SMNDC1: variants seen among roughly 807,000 people sequenced by gnomAD.
SMNDC1 encodes survival motor neuron domain containing 1, also known as survival of motor neuron-related-splicing factor 30.
Under a neutral mutation model 29.2 loss-of-function variants are expected in SMNDC1, and 5 were observed. That is an observed-to-expected ratio of 0.17 (90% CI 0.09 to 0.36). The LOEUF is 0.36. Ranked by LOEUF, SMNDC1 falls within the 10% of genes least tolerant of loss-of-function variation. The probability of loss-of-function intolerance (pLI) is 1.00; values close to 1 mark genes in which losing one functional copy is unlikely to be tolerated. For synonymous variants in SMNDC1, 80 were observed against 89.9 expected (o/e 0.89, Z 0.62); for missense variants, 142 against 268.5 (o/e 0.53, Z 3.29).
intron 3 of SMNDC1, 62 bp from the exon 4 acceptor site, chr10:110,297,790 T>C: frequency 7.3e-7 from 1 of 1,372,982 alleles, no homozygotes; most frequent in Non-Finnish European, 9.9e-7. Context: ...CTACAAGACT[T>C]ATACTGTAGT....
intron 3 of SMNDC1, 119 bp from the exon 4 acceptor site, chr10:110,297,847 G>T: frequency 1.1e-6 from 1 of 876,906 alleles, no homozygotes; most frequent in Non-Finnish European, 1.7e-6. Flanking sequence ...ATAATCAAAT[G>T]GTTGTTTCAG....
chr10:110,302,701 C>T (rs1264996647), intron 2 of SMNDC1, among the ~76,000 whole-genome samples: 1 of 152,076 alleles, frequency 6.6e-6, no homozygotes, highest in Non-Finnish European at 1.5e-5. Flanking sequence ...TCTTAAAAGT[C>T]ATATATATTT....
chr10:110,293,411 G>T lies in SMNDC1; in HGVS notation c.*739C>A, dbSNP rs1857521833. On this transcript the variant is annotated 3_prime_UTR_variant, in exon 6 of 6. Transcript: ENST00000369603. ...ATACAGGGCTATACATCAGCTTTTT[G>T]TTCTCCCATATAAACATCACACATC... 6.6e-6 allele frequency: 1 copy of T among 152,512 alleles called. No individual in the cohort carries two copies. Among genetic ancestry groups the T allele is most frequent in the Non-Finnish European group, 1.5e-5 (1 of 68,004 alleles). 9.4% of individuals were successfully genotyped at this position (152,512 alleles called of 1,614,324 possible).
At chr10:110,294,973 A>C (rs1490725103) in intron 5 of SMNDC1, among the ~76,000 whole-genome samples, 1 of 152,222 alleles carries the variant, frequency 6.6e-6, no homozygotes, top group Non-Finnish European at 1.5e-5. Flanking sequence ...TATTTTTTCA[A>C]ATATTAGTTT....
At chr10:110,298,113 C>T (rs1252354577) in intron 3 of SMNDC1, among the ~76,000 whole-genome samples, 2 of 152,096 alleles carry the variant, frequency 1.3e-5, no homozygotes, top group African/African-American at 4.8e-5. Context: ...CTCAGTCTCC[C>T]AAGTAGCTGG....
At position 110,295,451 on chromosome 10, in the gene SMNDC1, G is replaced by T; in HGVS notation, c.426-70C>A. The T allele has an allele frequency of 3.1e-6, 4 of 1,273,500 alleles. No individual in the cohort carries two copies. The South Asian group carries it at 6.1e-5, about 19-fold the overall frequency. 78.9% of individuals were successfully genotyped at this position (1,273,500 alleles called of 1,614,324 possible). A position where few individuals can be genotyped will look rare whatever the true frequency, so the allele number is the denominator to read the frequency against. ...CAAGAATGACTTCCTTGAAGACACC[G>T]GCAGTGCAAAAAAAAAATCTAATAA... On this transcript the variant is annotated intron_variant, in intron 4 of 5. Coordinates refer to ENST00000369603, the MANE Select transcript of SMNDC1 (RefSeq NM_005871.4).
At chr10:110,297,048 T>C (rs1857572747) in intron 4 of SMNDC1, among the ~76,000 whole-genome samples, 1 of 152,224 alleles carries the variant, frequency 6.6e-6, no homozygotes, top group Admixed American at 6.5e-5. Flanking sequence ...ATCAACATCA[T>C]ACCGCCTTGT....
chr10:110,303,200 T>C (rs1278483284), intron 2 of SMNDC1, among the ~76,000 whole-genome samples: 6 of 152,242 alleles, frequency 3.9e-5, no homozygotes, highest in Non-Finnish European at 1.5e-5. Flanking sequence ...CTTGAAAATC[T>C]GACAGACTTG....
intron 4 of SMNDC1, among the ~76,000 whole-genome samples, chr10:110,296,392 T>A (rs1490633117): frequency 6.6e-6 from 1 of 152,184 alleles, no homozygotes; most frequent in African/African-American, 2.4e-5. Context: ...CATTAAAAAA[T>A]ATATATATAC....
In SMNDC1 at chr10:110,291,737, T is replaced by G. The variant is rs1857502094; in HGVS notation, c.*2413A>C. On this transcript the variant is annotated 3_prime_UTR_variant, in exon 6 of 6. Coordinates refer to ENST00000369603, the MANE Select transcript of SMNDC1 (RefSeq NM_005871.4). Reference sequence around the variant, plus strand: ...AACACTAGTCTGGCTCTAGAGTCCTTGCTGTTTTCCAGTATGCTCTGTGGC... The same window carrying G: ...AACACTAGTCTGGCTCTAGAGTCCTGGCTGTTTTCCAGTATGCTCTGTGGC... 1 of 152,220 alleles carries G rather than the reference T, an allele frequency of 6.6e-6. No individual in the cohort carries two copies. Among genetic ancestry groups the G allele is most frequent in the Non-Finnish European group, 1.5e-5 (1 of 68,034 alleles). 9.4% of individuals were successfully genotyped at this position (152,220 alleles called of 1,614,324 possible). A position where few individuals can be genotyped will look rare whatever the true frequency, so the allele number is the denominator to read the frequency against.
chr10:110,296,411 A>C (rs1857563474), intron 4 of SMNDC1, among the ~76,000 whole-genome samples: 1 of 152,236 alleles, frequency 6.6e-6, no homozygotes, highest in Admixed American at 6.5e-5. Flanking sequence ...ACATTGTTCT[A>C]GAATTTTATT....
Position 110,294,295 on chromosome 10 carries a change from A to G in SMNDC1, c.580-8T>C, listed in dbSNP as rs753142678. 1 of 1,568,124 alleles carries G rather than the reference A, an allele frequency of 6.4e-7. No individual in the cohort carries two copies. The highest frequency in any genetic ancestry group is 2.1e-5 in the Admixed American group (1 of 46,988). Reference sequence around the variant, plus strand: ...AAAAATACTCCTCTTTACCTAAGGGAAAGAAAACAGAAATCATTCCTGATT... The same window carrying G: ...AAAAATACTCCTCTTTACCTAAGGGGAAGAAAACAGAAATCATTCCTGATT... On this transcript the variant is annotated splice_region_variant and splice_polypyrimidine_tract_variant and intron_variant, in intron 5 of 5. Transcript: ENST00000369603.
intron 1 of SMNDC1, chr10:110,304,349 G>A (rs1366175387): frequency 6.6e-6 from 1 of 152,296 alleles, no homozygotes; most frequent in Non-Finnish European, 1.5e-5. Flanking sequence ...GGCCCCCTAA[G>A]AGTTACAGCG....
chr10:110,291,454 A>G lies in SMNDC1; in HGVS notation c.*2696T>C, dbSNP rs908987624. 2 of 152,246 alleles carry G rather than the reference A, an allele frequency of 1.3e-5. No homozygotes were observed. Among genetic ancestry groups the G allele is most frequent in the African/African-American group, 2.4e-5 (1 of 41,462 alleles). 9.4% of individuals were successfully genotyped at this position (152,246 alleles called of 1,614,324 possible). ...AATTGGATGCCTCAAATCATAAACA[A>G]TGGGTATTGTTATCCATTGTAATGT... On this transcript the variant is annotated 3_prime_UTR_variant, in exon 6 of 6. Transcript: ENST00000369603.
intron 5 of SMNDC1, 62 bp from the exon 6 acceptor site, chr10:110,294,349 T>G: frequency 1.5e-6 from 2 of 1,328,812 alleles, no homozygotes; most frequent in Non-Finnish European, 2.0e-6. Flanking sequence ...AAATTTCAAA[T>G]TTTAAGTAAT....
intron 3 of SMNDC1, 141 bp from the exon 4 acceptor site, chr10:110,297,869 CAA>C (rs1491511699): frequency 4.1e-6 from 3 of 727,418 alleles, no homozygotes; most frequent in Non-Finnish European, 6.4e-6. Flanking sequence ...AAAGAGAATA[CAA>C]AAGAGTGGTT....
Position 110,294,285 on chromosome 10 carries a change from T to C in SMNDC1, c.582A>G (p.Val194=), listed in dbSNP as rs755501111. ...RAYSKNKKGQ[V]KRSIFASPES... ...CAGGTGAAGCAAAAATACTCCTCTT[T>C]ACCTAAGGGAAAGAAAACAGAAATC... The change falls in exon 6 of 6, where the codon GTA becomes GTG. Residue 194 remains valine, a splice_region_variant and synonymous_variant. Transcript: ENST00000369603. 4 of 1,570,600 alleles carry C rather than the reference T, an allele frequency of 2.5e-6. No homozygotes were observed. The highest frequency in any genetic ancestry group is 2.1e-5 in the Admixed American group (1 of 47,900).
rs1857509211 is a variant in SMNDC1, at chr10:110,292,356, C to G, written c.*1794G>C. On this transcript the variant is annotated 3_prime_UTR_variant, in exon 6 of 6. Coordinates refer to ENST00000369603, the MANE Select transcript of SMNDC1 (RefSeq NM_005871.4). ...AGTCCTCTGGGAAAACTAAGGCCCC[C>G]CAGGGTCAAAAGAGGGACAAGACTG... 6.6e-6 allele frequency: 1 copy of G among 152,040 alleles called. No homozygotes were observed. The highest frequency in any genetic ancestry group is 2.1e-4 in the South Asian group (1 of 4,824). The allele number at this position is 152,040 out of a possible 1,614,324, so 9.4% of individuals were successfully genotyped here. A position where few individuals can be genotyped will look rare whatever the true frequency, so the allele number is the denominator to read the frequency against.
chr10:110,292,614 C>T lies in SMNDC1; in HGVS notation c.*1536G>A, dbSNP rs546466904. The T allele has an allele frequency of 6.6e-6, 1 of 152,008 alleles. No individual in the cohort carries two copies. Among genetic ancestry groups the T allele is most frequent in the Non-Finnish European group, 1.5e-5 (1 of 68,016 alleles). 9.4% of individuals were successfully genotyped at this position (152,008 alleles called of 1,614,324 possible). A position where few individuals can be genotyped will look rare whatever the true frequency, so the allele number is the denominator to read the frequency against. ...TAGAAGTTTACAGGCTTCAACAAAC[C>T]CTTTTTCTACTGCAGTTTGTGCCTT... On this transcript the variant is annotated 3_prime_UTR_variant, in exon 6 of 6. Transcript: ENST00000369603.
Sources: allele counts gnomAD v4.1 joint callset (sites outside exome capture counted in the v4.1 genomes callset), GRCh38; gene constraint gnomAD v4.1.1; transcripts MANE v1.5; gene names NCBI Gene and HGNC (gene_info 2026-07-23, HGNC 2026-07-21).